PCLO: variants seen among roughly 807,000 people sequenced by gnomAD.
PCLO encodes the protein protein piccolo.
In PCLO, 82 loss-of-function variants were observed where a neutral mutation model predicts 427.5. That is an observed-to-expected ratio of 0.19 (90% CI 0.16 to 0.23). The LOEUF (loss-of-function observed/expected upper bound fraction) is 0.23. Among genes scored for constraint, PCLO ranks in the 10% least tolerant of loss-of-function variants. The pLI, the probability that PCLO is intolerant of heterozygous loss-of-function variation, is 1.00. For missense variants in PCLO, 6,239 were observed against 6,115.9 expected (o/e 1.02, Z -0.67); for synonymous variants, 2,357 against 2,155.4 (o/e 1.09, Z -2.59).
In PCLO at chr7:82,955,119, G is replaced by A. The variant is rs1327023844; in HGVS notation, c.5834C>T (p.Pro1945Leu). 6.2e-6 allele frequency: 10 copies of A among 1,613,556 alleles called. No homozygotes were observed. The highest frequency in any genetic ancestry group is 1.7e-5 in the Admixed American group (1 of 59,970). The part of the protein sequence containing the change: ...NERDEVFEKE[P>L]LYGGMLIEDY... ...CTCTATTAGCATCCCACCATACAAA[G>A]GCTCTTTTTCAAACACTTCATCTCG... The change falls in exon 5 of 25, where the codon CCT becomes CTT. Residue 1945 changes from proline (P) to leucine (L), a missense_variant. By Grantham distance (98) the Pro-to-Leu change is moderately conservative. Around this residue, in one of 5 missense-constraint regions of PCLO, gnomAD observed 4,677 missense variants for 4,468.4 expected, o/e 1.05. Coordinates refer to ENST00000333891, the MANE Select transcript of PCLO (RefSeq NM_033026.6).
At chr7:82,907,904 T>G (rs1255741680) in intron 8 of PCLO, among the ~76,000 whole-genome samples, 1 of 152,044 alleles carries the variant, frequency 6.6e-6, no homozygotes. Flanking sequence ...ACAGTACTTA[T>G]AAATGTCAAA....
At chr7:83,098,426 C>T (rs988717021) in intron 3 of PCLO, among the ~76,000 whole-genome samples, 4 of 151,964 alleles carry the variant, frequency 2.6e-5, no homozygotes, top group African/African-American at 9.7e-5. Flanking sequence ...CGATAGACAC[C>T]AAGGGAATGC....
intron 3 of PCLO, among the ~76,000 whole-genome samples, chr7:83,055,883 C>T (rs1240793503): frequency 3.3e-5 from 5 of 151,976 alleles, no homozygotes; most frequent in Admixed American, 1.3e-4. Context: ...AATCTAGTAA[C>T]CAGAATGCTT....
chr7:82,997,329 A>T (rs1362171330), intron 3 of PCLO, among the ~76,000 whole-genome samples: 1 of 151,960 alleles, frequency 6.6e-6, no homozygotes, highest in East Asian at 1.9e-4. Flanking sequence ...ACCTAAAGCT[A>T]TTAGCTGGTA....
intron 3 of PCLO, among the ~76,000 whole-genome samples, chr7:83,054,755 T>A (rs73161302): frequency 1.5e-3 from 222 of 152,052 alleles, no homozygotes; most frequent in African/African-American, 5.0e-3. Flanking sequence ...GCAAGGCAAG[T>A]GTGCATTAAG....
At chr7:83,044,463 G>T (rs150144279) in intron 3 of PCLO, among the ~76,000 whole-genome samples, 4 of 152,220 alleles carry the variant, frequency 2.6e-5, no homozygotes, top group Non-Finnish European at 5.9e-5. Context: ...ATATTAACTG[G>T]TTGTTTGAGT....
intron 20 of PCLO, among the ~76,000 whole-genome samples, chr7:82,810,809 A>G (rs1486902756): frequency 6.6e-6 from 1 of 151,678 alleles, no homozygotes; most frequent in Non-Finnish European, 1.5e-5. Flanking sequence ...ACCACACAGT[A>G]CTTAAATATG....
At chr7:82,939,164 G>T (rs777231621) in intron 6 of PCLO, among the ~76,000 whole-genome samples, 9 of 151,918 alleles carry the variant, frequency 5.9e-5, no homozygotes, top group Non-Finnish European at 1.2e-4. Context: ...ACTGTCATCA[G>T]AATAAATTTA....
intron 3 of PCLO, among the ~76,000 whole-genome samples, chr7:82,975,671 T>C (rs1307921054): frequency 1.3e-5 from 2 of 152,186 alleles, no homozygotes; most frequent in African/African-American, 4.8e-5. Context: ...CCCGTTACAG[T>C]GTACAGTATT....
chr7:82,760,980 T>G (rs1400523392), intron 23 of PCLO, among the ~76,000 whole-genome samples, 196 bp from the exon 24 acceptor site: 1 of 108,824 alleles, frequency 9.2e-6, no homozygotes, highest in African/African-American at 3.3e-5. Flanking sequence ...TGAGACAGGG[T>G]CTTACTCTGT....
Position 83,156,400 on chromosome 7 carries a change from A to AG in PCLO, c.249-9dup. The AG allele has an allele frequency of 1.6e-6, 2 of 1,264,242 alleles. No homozygotes were observed. The highest frequency in any genetic ancestry group is 2.1e-6 in the Non-Finnish European group (2 of 947,044). The allele number at this position is 1,264,242 out of a possible 1,614,324, so 78.3% of individuals were successfully genotyped here. ...CTATCCAACTCTTGTTTCCTAGAAG[A>AG]GTTAAAAAAAAAAAAAAAAATCAAG... On this transcript the variant is annotated splice_polypyrimidine_tract_variant and intron_variant, in intron 1 of 24. Transcript: ENST00000333891.
chr7:83,087,399 C>G (rs905273922), intron 3 of PCLO, among the ~76,000 whole-genome samples: 1 of 151,780 alleles, frequency 6.6e-6, no homozygotes, highest in African/African-American at 2.4e-5. Flanking sequence ...GACTTCACCA[C>G]CACTATGCAA....
intron 1 of PCLO, among the ~76,000 whole-genome samples, chr7:83,159,823 ATATC>A (rs926204353): frequency 1.2e-4 from 18 of 152,038 alleles, no homozygotes; most frequent in African/African-American, 4.1e-4. Flanking sequence ...AAATAAATGA[ATATC>A]TATGCATTTA....
intron 9 of PCLO, among the ~76,000 whole-genome samples, chr7:82,884,058 C>A (rs928192738): frequency 6.6e-6 from 1 of 152,242 alleles, no homozygotes; most frequent in Non-Finnish European, 1.5e-5. Flanking sequence ...CGTGAGCCAC[C>A]GCGCCTGGAC....
At chr7:83,059,363 T>A (rs1052625635) in intron 3 of PCLO, among the ~76,000 whole-genome samples, 3 of 114,100 alleles carry the variant, frequency 2.6e-5, no homozygotes, top group East Asian at 3.4e-4. Context: ...TTAAAATATA[T>A]ATATATATAT....
intron 22 of PCLO, among the ~76,000 whole-genome samples, chr7:82,776,892 A>G (rs13232364): frequency 1.3e-5 from 2 of 149,214 alleles, no homozygotes; most frequent in African/African-American, 2.5e-5. Flanking sequence ...ATGTGTGTGT[A>G]TATATAGATA....
In PCLO at chr7:83,011,604, G is replaced by GA. The variant is rs66516153; in HGVS notation, c.3301-45118dup. On this transcript the variant is annotated intron_variant, in intron 3 of 24. Transcript: ENST00000333891. ...ATGTCTAATACTATAATTTTAAGCT[G>GA]AAAAAAAAAAACAAATCCTAAGAGA... 9.8e-3 allele frequency among the ~76,000 whole-genome samples: 1,463 copies of GA among 148,704 alleles called. 31 individuals carry two copies. Among genetic ancestry groups the GA allele is most frequent in the African/African-American group, 0.031 (1,269 of 40,668 alleles).
Position 83,156,194 on chromosome 7 carries a change from C to T in PCLO, c.447G>A (p.Lys149=), listed in dbSNP as rs1450249598. ...KSRTDLKEEH[K]SSMMPGFLSE... is the part of the protein sequence containing the mutation. ...AGAGGAAGCCAGGCATCATACTAGA[C>T]TTGTGCTCTTCCTTTAAATCAGTTC... Residue 149 remains lysine (K), a synonymous_variant, in exon 2 of 25, where the codon AAG becomes AAA. Coordinates refer to ENST00000333891, the MANE Select transcript of PCLO (RefSeq NM_033026.6). 9 of 1,613,658 alleles carry T rather than the reference C, an allele frequency of 5.6e-6. No homozygotes were observed. The highest frequency in any genetic ancestry group is 1.3e-5 in the African/African-American group (1 of 74,880).
chr7:82,770,192 G>A (rs185313097), intron 22 of PCLO, among the ~76,000 whole-genome samples: 8 of 152,106 alleles, frequency 5.3e-5, no homozygotes, highest in African/African-American at 1.9e-4. Context: ...TACAATCCCT[G>A]AAGTGATAAT....
Sources: allele counts gnomAD v4.1 joint callset (sites outside exome capture counted in the v4.1 genomes callset), GRCh38; gene constraint gnomAD v4.1.1; regional missense constraint gnomAD v4.1.1; transcripts MANE v1.5; gene names NCBI Gene and HGNC (gene_info 2026-07-23, HGNC 2026-07-21).